MACROD2: variants seen among roughly 807,000 people sequenced by gnomAD.
MACROD2 encodes the protein ADP-ribose glycohydrolase MACROD2.
Under a neutral mutation model 70.4 loss-of-function variants are expected in MACROD2, and 36 were observed. The ratio of observed to expected loss-of-function variants is 0.51; its 90% CI spans 0.39 to 0.68. MACROD2 has a LOEUF of 0.68. Among genes scored for constraint, MACROD2 ranks in the 30% least tolerant of loss-of-function variants. The pLI is 0.00. For synonymous variants in MACROD2, 172 were observed against 178.8 expected, an observed-to-expected ratio of 0.96 and a Z score of 0.30; for missense variants, 496 against 538.4, an observed-to-expected ratio of 0.92 and a Z score of 0.78.
intron 8 of MACROD2, among the ~76,000 whole-genome samples, chr20:15,605,196 G>A (rs80069541): frequency 3.3e-5 from 5 of 152,018 alleles, no homozygotes; most frequent in Admixed American, 6.6e-5. Flanking sequence ...CTTATGTGTA[G>A]TCCATGACTT....
chr20:15,241,975 A>T (rs2077063945), intron 6 of MACROD2, among the ~76,000 whole-genome samples: 1 of 152,264 alleles, frequency 6.6e-6, no homozygotes, highest in Middle Eastern at 3.4e-3. Flanking sequence ...ATGCAATTAG[A>T]TTCTCCAAGG....
At chr20:15,660,566 G>C (rs1341058242) in intron 8 of MACROD2, among the ~76,000 whole-genome samples, 1 of 152,132 alleles carries the variant, frequency 6.6e-6, no homozygotes, top group African/African-American at 2.4e-5. Context: ...CCTCGGAATG[G>C]TATTTCTTAT....
intron 5 of MACROD2, among the ~76,000 whole-genome samples, chr20:14,809,372 T>C (rs1203520481): frequency 6.6e-5 from 10 of 152,032 alleles, no homozygotes; most frequent in Non-Finnish European, 2.9e-5. Context: ...AATAAATAAG[T>C]TCTTTGAAAC....
At chr20:15,714,013 A>ACG (rs2050671105) in intron 8 of MACROD2, among the ~76,000 whole-genome samples, 1 of 151,092 alleles carries the variant, frequency 6.6e-6, no homozygotes, top group Non-Finnish European at 1.5e-5. Flanking sequence ...ACACACACAC[A>ACG]CACACACACA....
intron 5 of MACROD2, among the ~76,000 whole-genome samples, chr20:14,731,847 T>A (rs1018491756): frequency 6.6e-6 from 1 of 152,166 alleles, no homozygotes; most frequent in Non-Finnish European, 1.5e-5. Flanking sequence ...CGTCTTTTTT[T>A]AAAACCAGAC....
chr20:15,714,009 A>G (rs866616991), intron 8 of MACROD2, among the ~76,000 whole-genome samples: 35 of 151,152 alleles, frequency 2.3e-4, no homozygotes, highest in African/African-American at 7.6e-4. Flanking sequence ...ACACACACAC[A>G]CACACACACA....
At chr20:14,950,650 A>G (rs1044632520) in intron 5 of MACROD2, among the ~76,000 whole-genome samples, 1 of 152,132 alleles carries the variant, frequency 6.6e-6, no homozygotes, top group African/African-American at 2.4e-5. Context: ...TCAGGGAAAT[A>G]ATATCCTAGT....
At chr20:14,173,051 C>T (rs2148725580) in intron 3 of MACROD2, among the ~76,000 whole-genome samples, 1 of 152,244 alleles carries the variant, frequency 6.6e-6, no homozygotes, top group Admixed American at 6.5e-5. Flanking sequence ...TTACCTGATG[C>T]TTTTGCCTTA....
At chr20:15,979,835 G>A (rs1402921351) in intron 13 of MACROD2, among the ~76,000 whole-genome samples, 10 of 152,134 alleles carry the variant, frequency 6.6e-5, no homozygotes, top group African/African-American at 2.2e-4. Context: ...GACCTTTGCT[G>A]TATTTAGTAT....
chr20:15,155,981 G>T (rs953876665), intron 5 of MACROD2, among the ~76,000 whole-genome samples: 3 of 152,168 alleles, frequency 2.0e-5, no homozygotes, highest in African/African-American at 7.2e-5. Context: ...ATCCTGGTGT[G>T]TGGGTTTTAA....
intron 3 of MACROD2, among the ~76,000 whole-genome samples, chr20:14,169,266 T>C (rs1234231718): frequency 6.6e-6 from 1 of 151,918 alleles, no homozygotes; most frequent in Non-Finnish European, 1.5e-5. Context: ...TTTAAATAAT[T>C]AAACTTTTTC....
chr20:15,847,894 A>T (rs2064251561), intron 8 of MACROD2, among the ~76,000 whole-genome samples: 1 of 107,952 alleles, frequency 9.3e-6, no homozygotes, highest in Non-Finnish European at 2.5e-5. Flanking sequence ...TTTGCTTAAA[A>T]GGGAAAAAAA....
intron 5 of MACROD2, among the ~76,000 whole-genome samples, chr20:14,902,937 A>G (rs7352597): frequency 0.027 from 4,056 of 152,198 alleles, 87 homozygotes; most frequent in Non-Finnish European, 0.042. Flanking sequence ...TAATACAAGG[A>G]AAGATTATAG....
chr20:14,743,063 G>C (rs2071754351), intron 5 of MACROD2, among the ~76,000 whole-genome samples: 1 of 152,036 alleles, frequency 6.6e-6, no homozygotes, highest in African/African-American at 2.4e-5. Context: ...ACCGCGCCCG[G>C]CCTATAAACT....
chr20:14,543,340 A>G (rs556315645), intron 4 of MACROD2, among the ~76,000 whole-genome samples: 6 of 152,184 alleles, frequency 3.9e-5, no homozygotes, highest in Admixed American at 1.3e-4. Context: ...ATTTATAACT[A>G]TATTTTCACA....
chr20:15,027,569 A>C (rs2075242212), intron 5 of MACROD2, among the ~76,000 whole-genome samples: 1 of 151,844 alleles, frequency 6.6e-6, no homozygotes, highest in South Asian at 2.1e-4. Flanking sequence ...GGGGGAAATA[A>C]TATCTATTTG....
Position 14,074,640 on chromosome 20 carries a change from A to C in MACROD2, c.164-10981A>C, listed in dbSNP as rs142303648. On this transcript the variant is annotated intron_variant, in intron 2 of 17. Coordinates refer to ENST00000684519, the MANE Select transcript of MACROD2 (RefSeq NM_001351661.2). ...ATTCACATCCAGAATCCTGAGATGG[A>C]AATGGTTTCTCCTGGCACTCTGTGA... Among the ~76,000 whole-genome samples the C allele has an allele frequency of 8.4e-4, 128 of 152,192 alleles. 1 individual carries two copies. The highest frequency in any genetic ancestry group is 3.0e-3 in the African/African-American group (125 of 41,518).
chr20:15,286,776 G>A (rs958113271), intron 6 of MACROD2, among the ~76,000 whole-genome samples: 3 of 152,120 alleles, frequency 2.0e-5, no homozygotes, highest in Admixed American at 6.6e-5. Flanking sequence ...CTTAGATCTG[G>A]ATTCTGGTGG....
chr20:14,958,974 G>T (rs141827017), intron 5 of MACROD2, among the ~76,000 whole-genome samples: 1 of 152,242 alleles, frequency 6.6e-6, no homozygotes, highest in East Asian at 1.9e-4. Context: ...ACCAAACTGA[G>T]ACTGATTATG....
Sources: gnomAD v4.1 joint callset for allele counts (sites outside exome capture counted in the v4.1 genomes callset) on GRCh38, gnomAD v4.1.1 for gene constraint, MANE v1.5 for transcripts, NCBI Gene and HGNC (gene_info 2026-07-23, HGNC 2026-07-21) for gene names.